The following SLC22A25 variants were observed in gnomAD, a reference collection of about 807,000 sequenced individuals.
The protein encoded by SLC22A25 is solute carrier family 22 member 25.
A neutral mutation model predicts 45.9 loss-of-function variants in SLC22A25; 44 were observed. The observed-to-expected ratio is 0.96, with a 90% CI of 0.75 to 1.23. The LOEUF (loss-of-function observed/expected upper bound fraction) is 1.23. Ranked by LOEUF, SLC22A25 falls within the 50% of genes most tolerant of loss-of-function variation. The pLI is 0.00. For missense variants in SLC22A25, 800 were observed against 666.4 expected (o/e 1.20, Z -2.21); for synonymous variants, 283 against 238.6 (o/e 1.19, Z -1.72).
intron 7 of SLC22A25, among the ~76,000 whole-genome samples, chr11:63,186,926 C>G (rs1371042936): frequency 1.3e-5 from 2 of 152,226 alleles, no homozygotes; most frequent in East Asian, 1.9e-4. Flanking sequence ...GTACCAGTAC[C>G]ATGCTGTTTT....
At chr11:63,230,451 C>T (rs2090045807) in intron 3 of SLC22A25, among the ~76,000 whole-genome samples, 2 of 152,082 alleles carry the variant, frequency 1.3e-5, no homozygotes, top group South Asian at 2.1e-4. Flanking sequence ...TCTTGCAGTT[C>T]AGTGAGTAAG....
chr11:63,183,260 G>A (rs1426597233), intron 8 of SLC22A25, among the ~76,000 whole-genome samples: 1 of 152,040 alleles, frequency 6.6e-6, no homozygotes, highest in Non-Finnish European at 1.5e-5. Flanking sequence ...AATATATCTT[G>A]AATGAAAGAA....
Position 63,163,644 on chromosome 11 carries a change from G to T in SLC22A25, c.*180C>A. The T allele has an allele frequency of 3.4e-6, 3 of 895,158 alleles. No individual in the cohort carries two copies. Among genetic ancestry groups the T allele is most frequent in the Non-Finnish European group, 4.8e-6 (3 of 625,012 alleles). The allele number at this position is 895,158 out of a possible 1,614,324, so 55.5% of individuals were successfully genotyped here. A position where few individuals can be genotyped will look rare whatever the true frequency, so the allele number is the denominator to read the frequency against. ...CTTTTCACCACAAATTAACCTCCTG[G>T]ACAGGCTGGGCAGAGATGGTCTGTG... On this transcript the variant is annotated 3_prime_UTR_variant, in exon 12 of 12. Coordinates refer to ENST00000306494, the MANE Select transcript of SLC22A25 (RefSeq NM_199352.6).
At chr11:63,232,235 T>G (rs1253033235) in intron 3 of SLC22A25, among the ~76,000 whole-genome samples, 1 of 152,180 alleles carries the variant, frequency 6.6e-6, no homozygotes, top group Non-Finnish European at 1.5e-5. Context: ...GTATGGCCAT[T>G]TTCACGATAT....
chr11:63,236,427 T>C (rs1590923883), intron 3 of SLC22A25, among the ~76,000 whole-genome samples: 2 of 152,324 alleles, frequency 1.3e-5, no homozygotes, highest in South Asian at 2.1e-4. Context: ...TCTATGGGCA[T>C]AGGAACCTCC....
chr11:63,167,959 C>A, intron 9 of SLC22A25: 1 of 399,940 alleles, frequency 2.5e-6, no homozygotes, highest in Non-Finnish European at 5.0e-6. Flanking sequence ...ATGAAGCTTC[C>A]AGAGGAAGGA....
intron 5 of SLC22A25, chr11:63,219,768 A>C (rs2089807442): frequency 2.2e-6 from 1 of 455,836 alleles, no homozygotes; most frequent in Non-Finnish European, 3.9e-6. Flanking sequence ...CCACTACCTT[A>C]TCTTGCACCA....
Position 63,160,304 on chromosome 11 carries a change from C to T in SLC22A25, c.*3520G>A, listed in dbSNP as rs1333184762. The stretch of plus-strand genomic sequence containing the variant: ...TGTGTGCAGCCTTAGTGACTTGGTG[C>T]CCTGTGTCTCAGCCACTCTAGCCAT... On this transcript the variant is annotated 3_prime_UTR_variant, in exon 12 of 12. Transcript: ENST00000306494. 6.6e-6 allele frequency among the ~76,000 whole-genome samples: 1 copy of T among 152,160 alleles called. No individual in the cohort carries two copies. Among genetic ancestry groups the T allele is most frequent in the Non-Finnish European group, 1.5e-5 (1 of 67,996 alleles).
At chr11:63,236,645 C>G (rs1435288830) in intron 3 of SLC22A25, among the ~76,000 whole-genome samples, 2 of 151,748 alleles carry the variant, frequency 1.3e-5, no homozygotes, top group Non-Finnish European at 2.9e-5. Context: ...GCTGCACCCA[C>G]TGTCCTGCAC....
Position 63,238,729 on chromosome 11 carries a change from G to GT in SLC22A25, c.-590dup, listed in dbSNP as rs1396229056. 4.9e-6 allele frequency: 1 copy of GT among 204,498 alleles called. No individual in the cohort carries two copies. The highest frequency in any genetic ancestry group is 2.3e-5 in the African/African-American group (1 of 43,048). 12.7% of individuals were successfully genotyped at this position (204,498 alleles called of 1,614,324 possible). On this transcript the variant is annotated 5_prime_UTR_variant, in exon 2 of 12. It removes the in-frame stop codon of an upstream open reading frame in the 5' UTR. Transcript: ENST00000306494. ...TGGGGCCTCTTACCCAGTCACGATG[G>GT]TGGAGAGGAAGGAGCTTCTGTTGTA...
At chr11:63,194,347 C>A (rs933669759) in intron 7 of SLC22A25, among the ~76,000 whole-genome samples, 1 of 152,030 alleles carries the variant, frequency 6.6e-6, no homozygotes, top group African/African-American at 2.4e-5. Flanking sequence ...AGAGCAACCC[C>A]AAGACACATA....
At chr11:63,239,832 G>A (rs572973791) in intron 1 of SLC22A25, among the ~76,000 whole-genome samples, 14 of 152,248 alleles carry the variant, frequency 9.2e-5, no homozygotes, top group East Asian at 1.9e-4. Flanking sequence ...TTCGGGGCTC[G>A]TTCCAGGGAT....
At chr11:63,197,632 C>T (rs1435426780) in intron 7 of SLC22A25, among the ~76,000 whole-genome samples, 1 of 152,176 alleles carries the variant, frequency 6.6e-6, no homozygotes, top group Non-Finnish European at 1.5e-5. Flanking sequence ...TAGAAGAAGA[C>T]CTAGGCAGTA....
At chr11:63,208,841 CA>C (rs367697496) in intron 7 of SLC22A25, among the ~76,000 whole-genome samples, 363 of 152,158 alleles carry the variant, frequency 2.4e-3, no homozygotes, top group Admixed American at 4.1e-3. Context: ...CAGGCTGTGA[CA>C]GGGGAAGGCA....
At chr11:63,239,846 A>G (rs1464141972) in intron 1 of SLC22A25, among the ~76,000 whole-genome samples, 1 of 152,232 alleles carries the variant, frequency 6.6e-6, no homozygotes, top group Non-Finnish European at 1.5e-5. Context: ...CAGGGATACA[A>G]TAAGTGCAAG....
At chr11:63,180,850 A>G (rs1278598236) in intron 8 of SLC22A25, 75 bp from the exon 9 acceptor site, 2 of 980,290 alleles carry the variant, frequency 2.0e-6, no homozygotes, top group Non-Finnish European at 3.2e-6. Context: ...CTTGTCAACC[A>G]ACAGATGACA....
chr11:63,178,979 T>G (rs201903675), intron 9 of SLC22A25, among the ~76,000 whole-genome samples: 1 of 148,424 alleles, frequency 6.7e-6, no homozygotes, highest in Non-Finnish European at 1.5e-5. Context: ...TTTTTTTTTT[T>G]GAAATGGGGT....
intron 9 of SLC22A25, among the ~76,000 whole-genome samples, chr11:63,176,788 C>A (rs1373522707): frequency 1.3e-5 from 2 of 152,002 alleles, no homozygotes; most frequent in African/African-American, 4.8e-5. Flanking sequence ...GAAGAGCTTT[C>A]AGTTTTTCAT....
In SLC22A25 at chr11:63,176,625, AC is replaced by A. The variant is rs1163153585; in HGVS notation, c.1070+4034del. Among the ~76,000 whole-genome samples, 13 of 152,016 alleles carry A rather than the reference AC, an allele frequency of 8.6e-5. No homozygotes were observed. The South Asian group carries it at 2.5e-3, about 29-fold the overall frequency. On this transcript the variant is annotated intron_variant, in intron 9 of 11. Transcript: ENST00000306494. Reference sequence around the variant, plus strand: ...TGTGTGTGTAATCTTTAGGATTTTTACCTCTAAGATCATATAACCAGTGAGT... The same window carrying A: ...TGTGTGTGTAATCTTTAGGATTTTTACTCTAAGATCATATAACCAGTGAGT...
Sources: gnomAD v4.1 joint callset for allele counts (sites outside exome capture counted in the v4.1 genomes callset) on GRCh38, gnomAD v4.1.1 for gene constraint, MANE v1.5 for transcripts, NCBI Gene and HGNC (gene_info 2026-07-23, HGNC 2026-07-21) for gene names.